The following ZFYVE16 variants were observed in gnomAD, a reference collection of about 807,000 sequenced individuals.
ZFYVE16 encodes the protein zinc finger FYVE-type containing 16.
ZFYVE16 carries 89 observed loss-of-function variants against 138.1 expected under a neutral mutation model. That is an observed-to-expected ratio of 0.64 (90% CI 0.54 to 0.77). The LOEUF is 0.77. Among genes scored for constraint, ZFYVE16 ranks in the 30% least tolerant of loss-of-function variants. ZFYVE16 has a pLI of 0.00. For missense variants in ZFYVE16, 1,793 were observed against 1,786.7 expected (o/e 1.00, Z -0.06); for synonymous variants, 596 against 618.3 (o/e 0.96, Z 0.53).
At chr5:80,469,432 G>A (rs1754075161) in intron 15 of ZFYVE16, among the ~76,000 whole-genome samples, 1 of 151,710 alleles carries the variant, frequency 6.6e-6, no homozygotes, top group Non-Finnish European at 1.5e-5. Context: ...TTGTAAAGAT[G>A]AGGTCTTCCT....
At chr5:80,469,093 T>C (rs1227869696) in intron 15 of ZFYVE16, among the ~76,000 whole-genome samples, 1 of 146,996 alleles carries the variant, frequency 6.8e-6, no homozygotes, top group Non-Finnish European at 1.5e-5. Flanking sequence ...TTTCTTTCTC[T>C]CTTTTTTTTT....
At chr5:80,461,828 C>G (rs1753151170) in intron 15 of ZFYVE16, among the ~76,000 whole-genome samples, 1 of 152,030 alleles carries the variant, frequency 6.6e-6, no homozygotes, top group South Asian at 2.1e-4. Flanking sequence ...AAAAGTTGGT[C>G]AGGCGTGGTG....
chr5:80,410,503 T>G (rs1745255773), intron 1 of ZFYVE16, among the ~76,000 whole-genome samples: 1 of 152,220 alleles, frequency 6.6e-6, no homozygotes, highest in Non-Finnish European at 1.5e-5. Context: ...TCGTTTATAG[T>G]CCAGTATCCA....
intron 15 of ZFYVE16, among the ~76,000 whole-genome samples, 158 bp downstream of exon 15, chr5:80,459,652 ATC>A (rs1561316261): frequency 3.3e-5 from 5 of 152,156 alleles, no homozygotes; most frequent in Non-Finnish European, 7.4e-5. Flanking sequence ...TAGAAGACTT[ATC>A]TCTCTCTTCT....
chr5:80,456,723 CTGTT>C (rs1470955216), intron 13 of ZFYVE16, among the ~76,000 whole-genome samples, 158 bp downstream of exon 13: 1 of 151,990 alleles, frequency 6.6e-6, no homozygotes, highest in Non-Finnish European at 1.5e-5. Context: ...TGTAAATAAT[CTGTT>C]TGATCATATT....
At chr5:80,457,334 A>G (rs1752624455) in intron 14 of ZFYVE16, among the ~76,000 whole-genome samples, 1 of 152,210 alleles carries the variant, frequency 6.6e-6, no homozygotes, top group Non-Finnish European at 1.5e-5. Context: ...TAGGTTTAGT[A>G]TATCCCGTAG....
intron 5 of ZFYVE16, chr5:80,442,043 C>A: frequency 1.8e-6 from 1 of 559,724 alleles, no homozygotes; most frequent in Non-Finnish European, 2.3e-6. Context: ...GGTGATAATA[C>A]CCTAAATTAA....
chr5:80,447,741 G>A (rs1354425409), intron 7 of ZFYVE16, among the ~76,000 whole-genome samples: 3 of 152,146 alleles, frequency 2.0e-5, no homozygotes, highest in African/African-American at 7.2e-5. Context: ...GGATCTTGAA[G>A]TTCTTCTTGC....
Position 80,473,019 on chromosome 5 carries a change from T to C in ZFYVE16, c.4187+96T>C, listed in dbSNP as rs890204604. The C allele has an allele frequency of 1.0e-5, 11 of 1,101,138 alleles. No homozygotes were observed. In the African/African-American group the frequency reaches 1.4e-4, roughly 14 times the overall value. The allele number at this position is 1,101,138 out of a possible 1,614,324, so 68.2% of individuals were successfully genotyped here. A position where few individuals can be genotyped will look rare whatever the true frequency, so the allele number is the denominator to read the frequency against. Reference sequence around the variant, plus strand: ...AAATTAAATATTTTATGAACGAATATATACTTATACCATCAATTTAAATGC... The same window carrying C: ...AAATTAAATATTTTATGAACGAATACATACTTATACCATCAATTTAAATGC... On this transcript the variant is annotated intron_variant, in intron 16 of 18. Transcript: ENST00000505560.
intron 1 of ZFYVE16, chr5:80,410,383 A>G (rs1252103865): frequency 6.6e-6 from 1 of 152,128 alleles, no homozygotes; most frequent in East Asian, 1.9e-4. Context: ...ATTTTAAAAA[A>G]TTGTTTCAAT....
At chr5:80,411,134 A>ATTTT (rs58086060) in intron 1 of ZFYVE16, among the ~76,000 whole-genome samples, 19 of 95,230 alleles carry the variant, frequency 2.0e-4, no homozygotes, top group African/African-American at 5.2e-4. Context: ...CGCCCAGCTA[A>ATTTT]TTTTTTTTTT....
intron 1 of ZFYVE16, among the ~76,000 whole-genome samples, chr5:80,426,631 G>C (rs545989878): frequency 3.9e-5 from 6 of 152,244 alleles, no homozygotes; most frequent in African/African-American, 1.4e-4. Flanking sequence ...ACATGATATT[G>C]TTCCTTTTTA....
In ZFYVE16 at chr5:80,434,226, A is replaced by G; in HGVS notation, c.70+9A>G. 6.2e-7 allele frequency: 1 copy of G among 1,612,552 alleles called. No individual in the cohort carries two copies. Among genetic ancestry groups the G allele is most frequent in the Non-Finnish European group, 8.5e-7 (1 of 1,179,088 alleles). On this transcript the variant is annotated intron_variant, in intron 3 of 18. Transcript: ENST00000505560. ...TTTTGAACAGAACCCAGGTTTGTTG[A>G]TTTTCCATTTTTGCCGCTAATGGGA...
At chr5:80,424,320 G>A (rs137933055) in intron 1 of ZFYVE16, among the ~76,000 whole-genome samples, 1,572 of 152,154 alleles carry the variant, frequency 0.01, 27 homozygotes, top group African/African-American at 0.035. Flanking sequence ...CAGGTTCCAT[G>A]ACCTTTTTTT....
At chr5:80,431,687 C>T (rs1050612399) in intron 2 of ZFYVE16, among the ~76,000 whole-genome samples, 2 of 152,158 alleles carry the variant, frequency 1.3e-5, no homozygotes, top group Non-Finnish European at 2.9e-5. Context: ...ATTTAGAAAA[C>T]CCCATCGTCT....
At chr5:80,424,570 T>G (rs765546488) in intron 1 of ZFYVE16, among the ~76,000 whole-genome samples, 25 of 151,988 alleles carry the variant, frequency 1.6e-4, no homozygotes, top group Non-Finnish European at 2.6e-4. Flanking sequence ...CAAGTGATTC[T>G]CCTGCCTCAG....
In ZFYVE16 at chr5:80,445,338, C is replaced by T. The variant is rs747663421; in HGVS notation, c.2657C>T (p.Thr886Ile). ...CCCAATGGTGAAGTTGCAGATACAACAAAATTATCATCTGGAAGTAAAAGA... is the reference window on the plus strand; with the variant it reads ...CCCAATGGTGAAGTTGCAGATACAATAAAATTATCATCTGGAAGTAAAAGA... Reference protein sequence around the residue: ...ILPNGEVADTTKLSSGSKRCS... With the variant: ...ILPNGEVADTIKLSSGSKRCS... The change falls in exon 7 of 19, where the codon ACA (threonine) becomes ATA (isoleucine). Residue 886 changes from threonine to isoleucine, a missense_variant. Physicochemically the swap from Thr to Ile is moderately conservative, Grantham distance 89 (BLOSUM62 -1). Coordinates refer to ENST00000505560, the MANE Select transcript of ZFYVE16 (RefSeq NM_001284236.3). 2.5e-6 allele frequency: 4 copies of T among 1,613,888 alleles called. No individual in the cohort carries two copies. In the South Asian group the frequency reaches 4.4e-5, roughly 18 times the overall value.
intron 7 of ZFYVE16, 59 bp downstream of exon 7, chr5:80,445,464 C>T: frequency 1.4e-6 from 2 of 1,475,068 alleles, no homozygotes; most frequent in South Asian, 1.3e-5. Flanking sequence ...GTAGATAATT[C>T]CTGGTGTGAT....
chr5:80,437,020 A>T lies in ZFYVE16; in HGVS notation c.335A>T (p.Asp112Val), dbSNP rs1250259099. The change falls in exon 4 of 19, where the codon GAT becomes GTT. Residue 112 changes from aspartate (D) to valine (V), a missense_variant. By Grantham distance (152) the Asp-to-Val change is radical. Around this residue, in one of 2 missense-constraint regions of ZFYVE16, gnomAD observed 1,295 missense variants for 1,204.3 expected, o/e 1.08. Transcript: ENST00000505560. ...TCTTCTGTGGATGGTGGTACTTCAG[A>T]TGAAATCCAGCCGTTATATATGGGA... ...LLSSVDGGTSDEIQPLYMGRC... is the reference protein window; with the variant it reads ...LLSSVDGGTSVEIQPLYMGRC... The T allele has an allele frequency of 6.2e-7, 1 of 1,614,244 alleles. No homozygotes were observed. The highest frequency in any genetic ancestry group is 1.1e-5 in the South Asian group (1 of 91,090).
Sources: gnomAD v4.1 joint callset for allele counts (sites outside exome capture counted in the v4.1 genomes callset) on GRCh38, gnomAD v4.1.1 for gene constraint, gnomAD v4.1.1 regional missense constraint, MANE v1.5 for transcripts, NCBI Gene and HGNC (gene_info 2026-07-23, HGNC 2026-07-21) for gene names.